The following DGKB variants were observed in gnomAD, a reference collection of about 807,000 sequenced individuals.
The protein encoded by DGKB is 90 kDa diacylglycerol kinase.
DGKB carries 67 observed loss-of-function variants against 114.3 expected under a neutral mutation model. That is an observed-to-expected ratio of 0.59 (90% CI 0.48 to 0.72). The LOEUF is 0.72. Ranked by LOEUF, DGKB falls within the 30% of genes least tolerant of loss-of-function variation. The probability of loss-of-function intolerance (pLI) is 0.00; values close to 1 mark genes in which losing one functional copy is unlikely to be tolerated. For synonymous variants in DGKB, 398 were observed against 323.1 expected (o/e 1.23, Z -2.49); for missense variants, 907 against 975.2 (o/e 0.93, Z 0.93).
chr7:14,278,378 AAC>A (rs997587541), intron 23 of DGKB, among the ~76,000 whole-genome samples: 2 of 152,208 alleles, frequency 1.3e-5, no homozygotes, highest in African/African-American at 4.8e-5. Flanking sequence ...AGATGCCAAA[AAC>A]ACACAATGGG....
At chr7:14,355,146 CCCCT>C (rs1443073358) in intron 21 of DGKB, among the ~76,000 whole-genome samples, 1 of 152,006 alleles carries the variant, frequency 6.6e-6, no homozygotes, top group Non-Finnish European at 1.5e-5. Context: ...TCCCTCTCTC[CCCCT>C]CCCTCCCTCT....
chr7:14,828,963 T>C (rs1237566525), intron 2 of DGKB, among the ~76,000 whole-genome samples: 1 of 152,032 alleles, frequency 6.6e-6, no homozygotes, highest in African/African-American at 2.4e-5. Flanking sequence ...GCAACCAGAC[T>C]AATGTTGCTA....
chr7:14,544,351 A>T (rs1434752695), intron 20 of DGKB, among the ~76,000 whole-genome samples: 1 of 152,214 alleles, frequency 6.6e-6, no homozygotes, highest in African/African-American at 2.4e-5. Flanking sequence ...TTAGTAGAAA[A>T]GTAGTGGTTT....
intron 23 of DGKB, among the ~76,000 whole-genome samples, chr7:14,230,080 C>T (rs1177829184): frequency 6.6e-6 from 1 of 151,908 alleles, no homozygotes; most frequent in Non-Finnish European, 1.5e-5. Context: ...TTGTTACTTC[C>T]TATGGGCTCA....
chr7:14,821,060 C>T (rs916213583), intron 2 of DGKB, among the ~76,000 whole-genome samples: 4 of 152,018 alleles, frequency 2.6e-5, no homozygotes, highest in African/African-American at 9.7e-5. Context: ...CACTTAATCA[C>T]TTAGAGATAA....
chr7:14,710,377 T>C (rs1339401436), intron 6 of DGKB, among the ~76,000 whole-genome samples: 1 of 152,156 alleles, frequency 6.6e-6, no homozygotes, highest in Non-Finnish European at 1.5e-5. Flanking sequence ...TAGATCTTGC[T>C]AAACACACTT....
intron 1 of DGKB, among the ~76,000 whole-genome samples, chr7:14,937,313 C>G (rs1350104642): frequency 6.6e-6 from 1 of 151,976 alleles, no homozygotes; most frequent in Admixed American, 6.6e-5. Context: ...AAAAGACGCT[C>G]TCCTTTCAAA....
At chr7:14,847,691 T>C (rs925776687) in intron 1 of DGKB, among the ~76,000 whole-genome samples, 1 of 152,168 alleles carries the variant, frequency 6.6e-6, no homozygotes, top group African/African-American at 2.4e-5. Flanking sequence ...TGATAAGTTA[T>C]ATGAAAAAAG....
At chr7:14,927,230 T>C (rs1042141242) in intron 1 of DGKB, among the ~76,000 whole-genome samples, 7 of 152,058 alleles carry the variant, frequency 4.6e-5, no homozygotes, top group Admixed American at 1.3e-4. Context: ...AGTAGTTCAT[T>C]AGAATGGTCT....
At chr7:14,468,047 T>C (rs989841366) in intron 21 of DGKB, among the ~76,000 whole-genome samples, 4 of 152,290 alleles carry the variant, frequency 2.6e-5, no homozygotes, top group Non-Finnish European at 5.9e-5. Context: ...GCATTCTTAT[T>C]ATATTATTGA....
chr7:14,674,155 T>C (rs1448140600), intron 12 of DGKB, among the ~76,000 whole-genome samples: 1 of 152,162 alleles, frequency 6.6e-6, no homozygotes, highest in African/African-American at 2.4e-5. Flanking sequence ...TTAAGATGAC[T>C]TGTACTGTAA....
At chr7:14,354,675 C>T (rs1049491559) in intron 21 of DGKB, among the ~76,000 whole-genome samples, 1 of 152,098 alleles carries the variant, frequency 6.6e-6, no homozygotes, top group Non-Finnish European at 1.5e-5. Flanking sequence ...TTGACCAGGC[C>T]TTCCAAAGGT....
intron 1 of DGKB, among the ~76,000 whole-genome samples, chr7:14,944,467 C>T (rs1458343448): frequency 2.0e-5 from 3 of 151,926 alleles, no homozygotes; most frequent in African/African-American, 7.2e-5. Flanking sequence ...AGTTCATAAT[C>T]ACATTTGCCT....
Position 14,338,594 on chromosome 7 carries a change from G to C in DGKB, c.2043C>G (p.Ser681Arg). ...NLWGESKKRR[S>R]HRRIEKKGSD... ...ACCCTTTTTTCTCTATTCGTCGATG[G>C]CTTCGTCTTTTCTTAGACTCTCCCC... The change falls in exon 23 of 26, where the codon AGC becomes AGG. Residue 681 changes from serine (S) to arginine (R), a missense_variant. By Grantham distance (110) the Ser-to-Arg change is moderately radical. Around this residue, in one of 3 missense-constraint regions of DGKB, gnomAD observed 814 missense variants for 856.6 expected, o/e 0.95. Transcript: ENST00000402815. 1 of 1,609,166 alleles carries C rather than the reference G, an allele frequency of 6.2e-7. No individual in the cohort carries two copies. Among genetic ancestry groups the C allele is most frequent in the Non-Finnish European group, 8.5e-7 (1 of 1,177,286 alleles).
At chr7:14,788,199 G>C (rs1013132898) in intron 2 of DGKB, among the ~76,000 whole-genome samples, 18 of 152,316 alleles carry the variant, frequency 1.2e-4, no homozygotes, top group African/African-American at 4.3e-4. Flanking sequence ...ATACAAAACA[G>C]ATCTGTTTGC....
At chr7:14,762,781 G>C (rs930695373) in intron 2 of DGKB, among the ~76,000 whole-genome samples, 1 of 152,220 alleles carries the variant, frequency 6.6e-6, no homozygotes, top group Non-Finnish European at 1.5e-5. Context: ...CTTGGCTCCA[G>C]AATGCTTGGC....
rs537059780 is a variant in DGKB, at chr7:14,896,748, C to T, written c.-188+5844G>A. Among the ~76,000 whole-genome samples, 42 of 151,696 alleles carry T rather than the reference C, an allele frequency of 2.8e-4. No homozygotes were observed. The East Asian group carries it at 6.4e-3, about 23-fold the overall frequency. ...TTTAAGTTACTTGCTTAAATTCATC[C>T]AAATAGTAAGGATTTTACATCCAGA... On this transcript the variant is annotated intron_variant, in intron 1 of 25. Coordinates refer to ENST00000402815, the MANE Select transcript of DGKB (RefSeq NM_001350709.2).
At chr7:14,572,892 T>G (rs1378745989) in intron 20 of DGKB, among the ~76,000 whole-genome samples, 1 of 152,186 alleles carries the variant, frequency 6.6e-6, no homozygotes, top group East Asian at 1.9e-4. Context: ...GTAAGTCCTT[T>G]GTGAGATTTT....
rs67135250 is a variant in DGKB, at chr7:14,825,016, GTATATATATATATATA to G, written c.70+16162_70+16177del. Among the ~76,000 whole-genome samples the G allele has an allele frequency of 9.6e-3, 886 of 92,412 alleles. 24 individuals carry two copies. The highest frequency in any genetic ancestry group is 0.026 in the African/African-American group (778 of 29,612). The allele number at this position is 92,412 out of a possible 152,430, so 60.6% of individuals were successfully genotyped here. ...TGTGTATATATATATGTATGTGTAT[GTATATATATATATATA>G]TATATATATATATATATATATATAT... On this transcript the variant is annotated intron_variant, in intron 2 of 25. Transcript: ENST00000402815.
Sources: allele counts gnomAD v4.1 joint callset (sites outside exome capture counted in the v4.1 genomes callset), GRCh38; gene constraint gnomAD v4.1.1; regional missense constraint gnomAD v4.1.1; transcripts MANE v1.5; gene names NCBI Gene and HGNC (gene_info 2026-07-23, HGNC 2026-07-21).